SNX27: variants seen among roughly 807,000 people sequenced by gnomAD.
The protein encoded by SNX27 is sorting nexin-27.
A neutral mutation model predicts 71.6 loss-of-function variants in SNX27; 22 were observed. That is an observed-to-expected ratio of 0.31 (90% CI 0.22 to 0.44). The LOEUF is 0.44. Ranked by LOEUF, SNX27 falls within the 20% of genes least tolerant of loss-of-function variation. SNX27 has a pLI of 1.00. For missense variants in SNX27, 531 were observed against 698.6 expected, an observed-to-expected ratio of 0.76 and a Z score of 2.70; for synonymous variants, 269 against 277.2, an observed-to-expected ratio of 0.97 and a Z score of 0.29.
intron 5 of SNX27, among the ~76,000 whole-genome samples, chr1:151,664,655 T>C (rs1206343998): frequency 6.6e-6 from 1 of 152,180 alleles, no homozygotes; most frequent in African/African-American, 2.4e-5. Flanking sequence ...ATTTCTCTTT[T>C]GTAGCAAACA....
chr1:151,687,809 G>A (rs1219095222), intron 8 of SNX27, among the ~76,000 whole-genome samples: 3 of 152,040 alleles, frequency 2.0e-5, no homozygotes, highest in East Asian at 1.9e-4. Flanking sequence ...TTAGCCGGGC[G>A]TGGTGGCGGG....
At chr1:151,646,948 A>C (rs1423490094) in intron 2 of SNX27, among the ~76,000 whole-genome samples, 2 of 151,756 alleles carry the variant, frequency 1.3e-5, no homozygotes, top group East Asian at 1.9e-4. Context: ...TTACAAGAGT[A>C]TATTTCCCCC....
intron 1 of SNX27, among the ~76,000 whole-genome samples, chr1:151,631,956 T>G (rs1349088750): frequency 6.6e-6 from 1 of 152,218 alleles, no homozygotes; most frequent in Non-Finnish European, 1.5e-5. Flanking sequence ...ATTATAGTTG[T>G]TAGCCACTGT....
intron 2 of SNX27, 23 bp downstream of exon 2, chr1:151,639,142 CCTCGAACATCTAG>C (rs1278307780): frequency 6.3e-7 from 1 of 1,582,670 alleles, no homozygotes; most frequent in Admixed American, 1.7e-5. Flanking sequence ...CCAACTCGAT[CCTCGAACATCTAG>C]CTTTGTTTCC....
Position 151,696,522 on chromosome 1 carries a change from G to GTTCTTTCATTCTTTCT in SNX27, c.*2112_*2113insATTCTTTCTTTCTTTC, listed in dbSNP as rs1553267186. On this transcript the variant is annotated 3_prime_UTR_variant, in exon 12 of 12. Transcript: ENST00000458013. ...CTTTCTTTCGTTCTTTCGTTCTTTC[G>GTTCTTTCATTCTTTCT]TTCTTTCTTTCTTTCTTTCTTTCTC... 1 of 102,306 alleles carries GTTCTTTCATTCTTTCT rather than the reference G, an allele frequency of 9.8e-6. No individual in the cohort carries two copies. Among genetic ancestry groups the GTTCTTTCATTCTTTCT allele is most frequent in the Non-Finnish European group, 2.3e-5 (1 of 43,530 alleles). The allele number at this position is 102,306 out of a possible 1,614,324, so 6.3% of individuals were successfully genotyped here. A position where few individuals can be genotyped will look rare whatever the true frequency, so the allele number is the denominator to read the frequency against.
At position 151,693,345 on chromosome 1, in the gene SNX27, T is replaced by C. The variant is rs754546234; in HGVS notation, c.1519-79T>C. The C allele has an allele frequency of 2.9e-6, 4 of 1,370,918 alleles. No homozygotes were observed. The Admixed American group carries it at 6.8e-5, about 23-fold the overall frequency. 84.9% of individuals were successfully genotyped at this position (1,370,918 alleles called of 1,614,324 possible). A position where few individuals can be genotyped will look rare whatever the true frequency, so the allele number is the denominator to read the frequency against. On this transcript the variant is annotated intron_variant, in intron 10 of 11. Coordinates refer to ENST00000458013, the MANE Select transcript of SNX27 (RefSeq NM_001330723.2). The stretch of plus-strand genomic sequence containing the variant: ...GACTGAGTTTGGAAGATGGGATGAC[T>C]GGGGACAGGAGTTCAAAGGCACAGT...
rs200537645 is a variant in SNX27, at chr1:151,692,891, C to T, written c.1390-20C>T. 1.2e-6 allele frequency: 2 copies of T among 1,614,100 alleles called. No homozygotes were observed. Among genetic ancestry groups the T allele is most frequent in the Non-Finnish European group, 1.7e-6 (2 of 1,179,986 alleles). On this transcript the variant is annotated intron_variant, in intron 9 of 11. Coordinates refer to ENST00000458013, the MANE Select transcript of SNX27 (RefSeq NM_001330723.2). ...TCTGAAACACAGACTGTACCTTACT[C>T]CCTTGTCTTGGTTGTCCAGAACCAG... is the stretch of plus-strand genomic sequence containing the variant.
chr1:151,626,431 G>T (rs752706009), intron 1 of SNX27, among the ~76,000 whole-genome samples: 1 of 152,070 alleles, frequency 6.6e-6, no homozygotes, highest in Non-Finnish European at 1.5e-5. Flanking sequence ...TGCATTAAAA[G>T]AATGTTTTAT....
At position 151,698,972 on chromosome 1, in the gene SNX27, C is replaced by G. The variant is rs897916931; in HGVS notation, c.*4555C>G. The G allele has an allele frequency of 6.6e-6, 1 of 152,604 alleles. No individual in the cohort carries two copies. The highest frequency in any genetic ancestry group is 2.4e-5 in the African/African-American group (1 of 41,448). 9.5% of individuals were successfully genotyped at this position (152,604 alleles called of 1,614,324 possible). A position where few individuals can be genotyped will look rare whatever the true frequency, so the allele number is the denominator to read the frequency against. ...GACACAATAATGGCTAACATTGTTTCTTTCATTCCTTGTTCTAGAGCTAAC... is the reference window on the plus strand; with the variant it reads ...GACACAATAATGGCTAACATTGTTTGTTTCATTCCTTGTTCTAGAGCTAAC... On this transcript the variant is annotated 3_prime_UTR_variant, in exon 12 of 12. Transcript: ENST00000458013.
At chr1:151,693,064 C>T (rs1488137868) in intron 10 of SNX27, 25 bp downstream of exon 10, 6 of 1,601,460 alleles carry the variant, frequency 3.7e-6, no homozygotes, top group Non-Finnish European at 5.1e-6. Flanking sequence ...GGGAAAGTAA[C>T]TGGGACTTAG....
chr1:151,641,735 G>C (rs1324591228), intron 2 of SNX27, among the ~76,000 whole-genome samples: 9 of 129,140 alleles, frequency 7.0e-5, no homozygotes, highest in Non-Finnish European at 1.5e-4. Context: ...ATATCAGATA[G>C]ATATATCAGA....
intron 7 of SNX27, among the ~76,000 whole-genome samples, chr1:151,682,949 C>T (rs1479591197): frequency 6.6e-6 from 1 of 152,106 alleles, no homozygotes; most frequent in Admixed American, 6.5e-5. Flanking sequence ...GCAAGAGAAT[C>T]GCTTGAACCT....
At chr1:151,653,897 A>G (rs544505714) in intron 2 of SNX27, among the ~76,000 whole-genome samples, 16 of 150,038 alleles carry the variant, frequency 1.1e-4, no homozygotes, top group Admixed American at 7.4e-4. Flanking sequence ...CAGTGGCGCG[A>G]TCTTGGCTCA....
At chr1:151,665,526 T>C (rs1432075991) in intron 5 of SNX27, among the ~76,000 whole-genome samples, 1 of 152,244 alleles carries the variant, frequency 6.6e-6, no homozygotes, top group African/African-American at 2.4e-5. Flanking sequence ...GCTGAATGTG[T>C]GAAACTGGAT....
intron 1 of SNX27, chr1:151,629,488 CAT>C (rs932530724): frequency 1.4e-5 from 2 of 138,864 alleles, no homozygotes; most frequent in African/African-American, 5.3e-5. Flanking sequence ...CGTATATATA[CAT>C]GTATGCGTAT....
chr1:151,637,958 C>G (rs576956241), intron 1 of SNX27, among the ~76,000 whole-genome samples: 117 of 152,348 alleles, frequency 7.7e-4, no homozygotes, highest in African/African-American at 2.6e-3. Flanking sequence ...GAGGGAACCT[C>G]CAGGCCTGCT....
Position 151,612,910 on chromosome 1 carries a change from C to T in SNX27, c.311+398C>T, listed in dbSNP as rs1423819984. 6.6e-6 allele frequency among the ~76,000 whole-genome samples: 1 copy of T among 152,032 alleles called. No homozygotes were observed. The highest frequency in any genetic ancestry group is 2.4e-5 in the African/African-American group (1 of 41,378). ...ACGGCGTTTCGTTTTCTGATCCAGCCAGTACCGTGTCCCCCCCAAGTTCTC... is the reference window on the plus strand; with the variant it reads ...ACGGCGTTTCGTTTTCTGATCCAGCTAGTACCGTGTCCCCCCCAAGTTCTC... On this transcript the variant is annotated intron_variant, in intron 1 of 11. Transcript: ENST00000458013. The surrounding 1 kb of genome is among the most constrained non-coding windows in gnomAD (Gnocchi z 5.2).
At chr1:151,641,598 G>GATATATATATATATATATATATAT (rs56886589) in intron 2 of SNX27, among the ~76,000 whole-genome samples, 25 of 79,004 alleles carry the variant, frequency 3.2e-4, no homozygotes, top group East Asian at 3.1e-3. Flanking sequence ...TCCTTTATCA[G>GATATATATATATATATATATATAT]ATATATATAT....
chr1:151,696,443 A>G lies in SNX27; in HGVS notation c.*2026A>G, dbSNP rs1339719990. On this transcript the variant is annotated 3_prime_UTR_variant, in exon 12 of 12. Transcript: ENST00000458013. The stretch of plus-strand genomic sequence containing the variant: ...CTCTTTTTTGTAATTTGTTTTTGCA[A>G]ATCATTGTGAGGCCACTTTTTCTTT... 6.9e-6 allele frequency: 1 copy of G among 144,094 alleles called. No homozygotes were observed. 8.9% of individuals were successfully genotyped at this position (144,094 alleles called of 1,614,324 possible). A position where few individuals can be genotyped will look rare whatever the true frequency, so the allele number is the denominator to read the frequency against.
Sources: allele counts gnomAD v4.1 joint callset (sites outside exome capture counted in the v4.1 genomes callset), GRCh38; gene constraint gnomAD v4.1.1; non-coding constraint Gnocchi (gnomAD v3.1); transcripts MANE v1.5; gene names NCBI Gene and HGNC (gene_info 2026-07-23, HGNC 2026-07-21).